MRNIP: variants seen among roughly 807,000 people sequenced by gnomAD.
MRNIP encodes MRN complex-interacting protein.
MRNIP carries 30 observed loss-of-function variants against 29.8 expected under a neutral mutation model. That is an observed-to-expected ratio of 1.01 (90% CI 0.75 to 1.36). The LOEUF is 1.36. Among genes scored for constraint, MRNIP ranks in the 40% most tolerant of loss-of-function variants. MRNIP has a pLI of 0.00. For synonymous variants in MRNIP, 201 were observed against 164.1 expected (o/e 1.23, Z -1.72); for missense variants, 459 against 423.5 (o/e 1.08, Z -0.74).
In MRNIP at chr5:179,858,738, G is replaced by A. The variant is rs1400498335; in HGVS notation, c.59C>T (p.Ala20Val). 1.3e-6 allele frequency: 2 copies of A among 1,524,306 alleles called. No individual in the cohort carries two copies. The highest frequency in any genetic ancestry group is 1.8e-4 in the Middle Eastern group (1 of 5,686). 94.4% of individuals were successfully genotyped at this position (1,524,306 alleles called of 1,614,324 possible). A position where few individuals can be genotyped will look rare whatever the true frequency, so the allele number is the denominator to read the frequency against. Residue 20 changes from alanine to valine, a missense_variant, in exon 1 of 7, where the codon GCG becomes GTG. Transcript: ENST00000292586. Reference sequence around the variant, plus strand: ...GGCTGGCACCCGCCAGACCTGGTGCGCCTGGAAGAGGCGGCAGCTGCAGCA... The same window carrying A: ...GGCTGGCACCCGCCAGACCTGGTGCACCTGGAAGAGGCGGCAGCTGCAGCA... ...LRCCSCRLFQ[A>V]HQVKKSVKWT... is the part of the protein sequence containing the mutation.
intron 2 of MRNIP, 106 bp from the exon 3 acceptor site, chr5:179,848,172 G>T: frequency 1.2e-6 from 1 of 826,932 alleles, no homozygotes; most frequent in Non-Finnish European, 2.1e-6. Context: ...ATTCTGCAAG[G>T]CCCAAAGACC....
At chr5:179,854,279 C>G (rs1308884257) in intron 1 of MRNIP, among the ~76,000 whole-genome samples, 1 of 152,190 alleles carries the variant, frequency 6.6e-6, no homozygotes, top group Non-Finnish European at 1.5e-5. Flanking sequence ...CTCGGCCTCC[C>G]AAAGTGCTGG....
intron 1 of MRNIP, among the ~76,000 whole-genome samples, chr5:179,858,296 T>C (rs1229358223): frequency 6.6e-6 from 1 of 152,182 alleles, no homozygotes; most frequent in African/African-American, 2.4e-5. Context: ...ATCAAGTCCC[T>C]GGCCCCGCGG....
At chr5:179,850,429 G>T (rs6883240) in intron 2 of MRNIP, among the ~76,000 whole-genome samples, 10,390 of 152,256 alleles carry the variant, frequency 0.068, 676 homozygotes, top group African/African-American at 0.17. Context: ...CACACTATAC[G>T]TGTCCAGTGT....
rs1200791448 is a variant in MRNIP at position 179,843,010 on chromosome 5, G to C, written c.292-946C>G. 1.2e-4 allele frequency among the ~76,000 whole-genome samples: 16 copies of C among 134,726 alleles called. No homozygotes were observed. In the East Asian group the frequency reaches 3.2e-3, roughly 27 times the overall value. The allele number at this position is 134,726 out of a possible 152,430, so 88.4% of individuals were successfully genotyped here. On this transcript the variant is annotated intron_variant, in intron 4 of 6. Coordinates refer to ENST00000292586, the MANE Select transcript of MRNIP (RefSeq NM_016175.4). The stretch of plus-strand genomic sequence containing the variant: ...ATCACGCCACTGCACTCCGGCTGGG[G>C]GACACAGCGAGACTCTGTCGAAAGG...
chr5:179,838,246 T>G, intron 6 of MRNIP: 3 of 286,350 alleles, frequency 1.0e-5, no homozygotes, highest in Non-Finnish European at 1.3e-5. Context: ...TCCATTCTGC[T>G]ACCTCCCACC....
chr5:179,855,266 T>A (rs1338047443), intron 1 of MRNIP, among the ~76,000 whole-genome samples: 1 of 152,124 alleles, frequency 6.6e-6, no homozygotes, highest in Non-Finnish European at 1.5e-5. Context: ...TGCCTCAGTC[T>A]CCCAAGTAGC....
At chr5:179,853,228 C>T in intron 2 of MRNIP, 150 bp downstream of exon 2, 1 of 1,548,314 alleles carries the variant, frequency 6.5e-7, no homozygotes, top group Non-Finnish European at 8.7e-7. Flanking sequence ...CATTTCACTT[C>T]CTGAAGGAAC....
rs1245522324 is a variant in MRNIP, at chr5:179,840,758, G to T, written c.537+114C>A. 7.4e-6 allele frequency: 6 copies of T among 808,220 alleles called. No homozygotes were observed. The Admixed American group carries it at 1.3e-4, about 17-fold the overall frequency. 50.1% of individuals were successfully genotyped at this position (808,220 alleles called of 1,614,324 possible). A position where few individuals can be genotyped will look rare whatever the true frequency, so the allele number is the denominator to read the frequency against. ...AAAAGACAAGAAACCCGGGTGGGAA[G>T]ATGGGCTTTCTGCGGGTAGGAATCG... On this transcript the variant is annotated intron_variant, in intron 6 of 6. Coordinates refer to ENST00000292586, the MANE Select transcript of MRNIP (RefSeq NM_016175.4).
Position 179,840,952 on chromosome 5 carries a change from T to A in MRNIP, c.457A>T (p.Ser153Cys), listed in dbSNP as rs1446150471. 5 of 1,602,846 alleles carry A rather than the reference T, an allele frequency of 3.1e-6. No individual in the cohort carries two copies. Among genetic ancestry groups the A allele is most frequent in the South Asian group, 1.1e-5 (1 of 89,266 alleles). Residue 153 changes from serine to cysteine, a missense_variant, in exon 6 of 7, where the codon AGC (serine) becomes TGC (cysteine). Transcript: ENST00000292586. ...CACGGAGGCTGGACGGTGCTCCTGC[T>A]CCACTTCCTGTCAGGACAGGACCGT... Reference protein sequence around the residue: ...SQDLPRKRKWSRSTVQPPCSR... With the variant: ...SQDLPRKRKWCRSTVQPPCSR...
At position 179,850,514 on chromosome 5, in the gene MRNIP, G is replaced by C. The variant is rs560620870; in HGVS notation, c.127-2448C>G. The stretch of plus-strand genomic sequence containing the variant: ...AATTCTGGTGGACTCCCAGTGCCTG[G>C]CAGCTAGTAAGTCAAGTGAGAACTG... On this transcript the variant is annotated intron_variant, in intron 2 of 6. Coordinates refer to ENST00000292586, the MANE Select transcript of MRNIP (RefSeq NM_016175.4). Among the ~76,000 whole-genome samples, 31 of 152,320 alleles carry C rather than the reference G, an allele frequency of 2.0e-4. 1 individual carries two copies. The South Asian group carries it at 6.2e-3, about 31-fold the overall frequency.
intron 4 of MRNIP, among the ~76,000 whole-genome samples, chr5:179,842,890 G>C (rs1004997369): frequency 6.6e-6 from 1 of 151,438 alleles, no homozygotes; most frequent in Non-Finnish European, 1.5e-5. Flanking sequence ...AAAATTAGCC[G>C]GGCGTGGTGG....
chr5:179,845,838 G>C (rs1759105073), intron 3 of MRNIP: 1 of 152,166 alleles, frequency 6.6e-6, no homozygotes, highest in Middle Eastern at 3.4e-3. Context: ...TTTTGGATGT[G>C]AGGGTGATGT....
At chr5:179,847,487 G>A (rs1759186062) in intron 3 of MRNIP, 1 of 155,212 alleles carries the variant, frequency 6.4e-6, no homozygotes, top group Non-Finnish European at 1.4e-5. Context: ...TTTCTTGTCA[G>A]CTCATCAGTG....
chr5:179,857,487 AAAAT>A (rs1365771945), intron 1 of MRNIP, among the ~76,000 whole-genome samples: 1 of 152,212 alleles, frequency 6.6e-6, no homozygotes, highest in African/African-American at 2.4e-5. Context: ...AAAGGAAATA[AAAAT>A]AAACGGAAAA....
chr5:179,849,400 G>C (rs1180086907), intron 2 of MRNIP, among the ~76,000 whole-genome samples: 1 of 150,948 alleles, frequency 6.6e-6, no homozygotes, highest in Non-Finnish European at 1.5e-5. Flanking sequence ...GATGGTAAGA[G>C]ATGGAATTTG....
At chr5:179,856,293 C>T (rs895603232) in intron 1 of MRNIP, among the ~76,000 whole-genome samples, 2 of 152,148 alleles carry the variant, frequency 1.3e-5, no homozygotes, top group East Asian at 1.9e-4. Context: ...GGTTCTGCCA[C>T]TCCCTAGATG....
At chr5:179,856,464 G>A (rs1185371693) in intron 1 of MRNIP, among the ~76,000 whole-genome samples, 1 of 151,892 alleles carries the variant, frequency 6.6e-6, no homozygotes, top group African/African-American at 2.4e-5. Flanking sequence ...GTCCTCTTTG[G>A]TTTCAAGTAA....
chr5:179,841,739 G>A (rs1384685853), intron 5 of MRNIP, 168 bp downstream of exon 5: 1 of 700,324 alleles, frequency 1.4e-6, no homozygotes, highest in Admixed American at 2.8e-5. Context: ...CAATGCCCAG[G>A]TGGGCTGTGG....
Sources: allele counts gnomAD v4.1 joint callset (sites outside exome capture counted in the v4.1 genomes callset), GRCh38; gene constraint gnomAD v4.1.1; transcripts MANE v1.5; gene names NCBI Gene and HGNC (gene_info 2026-07-23, HGNC 2026-07-21).